ADGRL3: variants seen among roughly 807,000 people sequenced by gnomAD.
ADGRL3 encodes the protein adhesion G protein-coupled receptor L3.
Under a neutral mutation model 153.5 loss-of-function variants are expected in ADGRL3, and 62 were observed. The ratio of observed to expected loss-of-function variants is 0.40; its 90% CI spans 0.33 to 0.50. The LOEUF (loss-of-function observed/expected upper bound fraction) is 0.50. ADGRL3 is among the 20% of genes least tolerant of loss of function. The pLI is 0.47. For synonymous variants in ADGRL3, 710 were observed against 672.5 expected (o/e 1.06, Z -0.86); for missense variants, 1,641 against 1,859.4 (o/e 0.88, Z 2.16).
Position 61,676,788 on chromosome 4 carries a change from A to G in ADGRL3, c.474-38A>G, listed in dbSNP as rs746915983. 2.4e-5 allele frequency: 32 copies of G among 1,345,300 alleles called. No homozygotes were observed. The African/African-American group carries it at 4.6e-4, about 19-fold the overall frequency. The allele number at this position is 1,345,300 out of a possible 1,614,324, so 83.3% of individuals were successfully genotyped here. ...GATGTTGATAATAATTTAACTTTGCATAAGCTTACTACTTCTTTTCCTTTC... is the reference window on the plus strand; with the variant it reads ...GATGTTGATAATAATTTAACTTTGCGTAAGCTTACTACTTCTTTTCCTTTC... On this transcript the variant is annotated intron_variant, in intron 5 of 26. Transcript: ENST00000683033.
intron 8 of ADGRL3, among the ~76,000 whole-genome samples, chr4:61,774,029 C>T (rs1367396865): frequency 3.9e-5 from 6 of 152,082 alleles, no homozygotes; most frequent in Admixed American, 2.6e-4. Flanking sequence ...CCGAGGTCTG[C>T]AAACAGGTGA....
chr4:61,913,899 AATCATTTGCTTAATTCTG>A (rs1237700501), intron 13 of ADGRL3, among the ~76,000 whole-genome samples: 86 of 152,174 alleles, frequency 5.7e-4, no homozygotes, highest in African/African-American at 2.1e-3. Context: ...TGCCAGCTAT[AATCATTTGCTTAATTCTG>A]GCTGGCAAAT....
chr4:61,577,150 T>TTG (rs150685671), intron 4 of ADGRL3, among the ~76,000 whole-genome samples: 29,539 of 147,118 alleles, frequency 0.2, 3,026 homozygotes, highest in Non-Finnish European at 0.22. Flanking sequence ...CAGTGAATAA[T>TTG]TGTGTGTGTG....
At chr4:61,641,491 G>C (rs2093669858) in intron 5 of ADGRL3, among the ~76,000 whole-genome samples, 1 of 134,936 alleles carries the variant, frequency 7.4e-6, no homozygotes, top group Non-Finnish European at 1.5e-5. Flanking sequence ...CTGTGTCCAT[G>C]TGTTCTCATT....
In ADGRL3 at chr4:61,948,223, T is replaced by C; in HGVS notation, c.2752T>C (p.Ser918Pro). Reference sequence around the variant, plus strand: ...AACAAATAAGACACATACTACATGCTCTTGTAACCACCTAACAAATTTTGC... The same window carrying C: ...AACAAATAAGACACATACTACATGCCCTTGTAACCACCTAACAAATTTTGC... ...LTTNKTHTTC[S>P]CNHLTNFAVL... The change falls in exon 17 of 27, where the codon TCT becomes CCT. Residue 918 changes from serine (S) to proline (P), a missense_variant. This residue lies in a region of ADGRL3 where 734 missense variants were observed against 797.0 expected (regional missense o/e 0.92). Transcript: ENST00000683033. The C allele has an allele frequency of 6.2e-7, 1 of 1,613,874 alleles. No homozygotes were observed. Among genetic ancestry groups the C allele is most frequent in the Non-Finnish European group, 8.5e-7 (1 of 1,179,850 alleles).
intron 8 of ADGRL3, among the ~76,000 whole-genome samples, chr4:61,774,907 G>A (rs1304968592): frequency 1.3e-5 from 2 of 152,170 alleles, no homozygotes; most frequent in African/African-American, 4.8e-5. Flanking sequence ...GATAAGAGGA[G>A]ACTGCTGTAG....
chr4:61,568,519 G>A (rs2098825709), intron 4 of ADGRL3, among the ~76,000 whole-genome samples: 2 of 152,106 alleles, frequency 1.3e-5, no homozygotes, highest in African/African-American at 4.8e-5. Flanking sequence ...TGAAGTAATT[G>A]CTTACATTTA....
At chr4:61,680,973 T>C (rs2095323179) in intron 6 of ADGRL3, among the ~76,000 whole-genome samples, 1 of 152,120 alleles carries the variant, frequency 6.6e-6, no homozygotes, top group African/African-American at 2.4e-5. Context: ...AGTATGACTT[T>C]TGTAGCCTTT....
At chr4:61,609,641 C>G (rs1258177681) in intron 5 of ADGRL3, among the ~76,000 whole-genome samples, 1 of 152,036 alleles carries the variant, frequency 6.6e-6, no homozygotes, top group Non-Finnish European at 1.5e-5. Context: ...CCTGAATTTT[C>G]TTTCCTGTAT....
At chr4:62,019,160 AT>A (rs1259083976) in intron 21 of ADGRL3, among the ~76,000 whole-genome samples, 5 of 152,002 alleles carry the variant, frequency 3.3e-5, no homozygotes, top group African/African-American at 1.2e-4. Flanking sequence ...CTAAATTTGA[AT>A]TTTTAAATCC....
intron 2 of ADGRL3, among the ~76,000 whole-genome samples, chr4:61,485,897 G>A (rs935529379): frequency 6.7e-6 from 1 of 149,640 alleles, no homozygotes; most frequent in African/African-American, 2.5e-5. Flanking sequence ...AAGCTCATTA[G>A]TCTCAGCTAT....
At chr4:62,021,353 G>A (rs943025152) in intron 21 of ADGRL3, among the ~76,000 whole-genome samples, 21 of 152,128 alleles carry the variant, frequency 1.4e-4, no homozygotes, top group African/African-American at 4.3e-4. Context: ...AAACATTGCA[G>A]AGTTATTAAA....
At chr4:61,371,737 T>C (rs554703612) in intron 1 of ADGRL3, among the ~76,000 whole-genome samples, 14 of 152,230 alleles carry the variant, frequency 9.2e-5, no homozygotes, top group African/African-American at 3.4e-4. Flanking sequence ...AGGAGTATCT[T>C]TGTGGCGTTC....
At chr4:61,747,127 C>T (rs555513480) in intron 8 of ADGRL3, among the ~76,000 whole-genome samples, 56 of 152,200 alleles carry the variant, frequency 3.7e-4, no homozygotes, top group South Asian at 3.1e-3. Flanking sequence ...ATAAATTCCT[C>T]GACACATACA....
chr4:61,508,312 AT>A (rs2098443092), intron 3 of ADGRL3, among the ~76,000 whole-genome samples: 1 of 152,182 alleles, frequency 6.6e-6, no homozygotes, highest in African/African-American at 2.4e-5. Context: ...TTAAAAAGCA[AT>A]CTTAAAAAGT....
intron 5 of ADGRL3, among the ~76,000 whole-genome samples, chr4:61,595,993 A>T (rs535692125): frequency 5.0e-4 from 76 of 152,246 alleles, no homozygotes; most frequent in African/African-American, 1.6e-3. Flanking sequence ...CCCAAAGTGC[A>T]CAAATACTCT....
intron 3 of ADGRL3, among the ~76,000 whole-genome samples, chr4:61,504,882 C>A (rs1257477862): frequency 1.3e-5 from 2 of 152,114 alleles, no homozygotes; most frequent in Middle Eastern, 6.8e-3. Flanking sequence ...AGGTTGATTC[C>A]ATATCTTGGC....
At chr4:61,342,329 G>C (rs1408304754) in intron 1 of ADGRL3, among the ~76,000 whole-genome samples, 2 of 152,122 alleles carry the variant, frequency 1.3e-5, no homozygotes, top group South Asian at 2.1e-4. Flanking sequence ...TTACTTTATA[G>C]TCTATAAACA....
chr4:61,921,366 C>T (rs1317568484), intron 13 of ADGRL3, among the ~76,000 whole-genome samples: 1 of 152,026 alleles, frequency 6.6e-6, no homozygotes, highest in Non-Finnish European at 1.5e-5. Context: ...TCAACCCTGC[C>T]TCTCATTTCT....
Sources: gnomAD v4.1 joint callset for allele counts (sites outside exome capture counted in the v4.1 genomes callset) on GRCh38, gnomAD v4.1.1 for gene constraint, gnomAD v4.1.1 regional missense constraint, MANE v1.5 for transcripts, NCBI Gene and HGNC (gene_info 2026-07-23, HGNC 2026-07-21) for gene names.